WDR11: variants seen among roughly 807,000 people sequenced by gnomAD.
WDR11 encodes WD repeat-containing protein 11.
A neutral mutation model predicts 151.2 loss-of-function variants in WDR11; 83 were observed. The observed-to-expected ratio is 0.55, with a 90% confidence interval of 0.46 to 0.66. The LOEUF is 0.66. Ranked by LOEUF, WDR11 falls within the 30% of genes least tolerant of loss-of-function variation. The probability of loss-of-function intolerance (pLI) is 0.00; values close to 1 mark genes in which losing one functional copy is unlikely to be tolerated. For missense variants in WDR11, 1,301 were observed against 1,480.9 expected (o/e 0.88, Z 1.99); for synonymous variants, 484 against 533.1 (o/e 0.91, Z 1.27).
intron 9 of WDR11, 119 bp downstream of exon 9, chr10:120,867,288 A>G: frequency 2.6e-6 from 2 of 756,738 alleles, no homozygotes; most frequent in South Asian, 1.5e-5. Flanking sequence ...GAAAACTAGA[A>G]CATGGAATCA....
chr10:120,853,859 A>G (rs183271120), intron 2 of WDR11, among the ~76,000 whole-genome samples: 115 of 152,314 alleles, frequency 7.6e-4, no homozygotes, highest in Middle Eastern at 3.4e-3. Context: ...TAATTGAATG[A>G]CAGTGTTTCC....
At chr10:120,894,841 T>G (rs568178438) in intron 19 of WDR11, among the ~76,000 whole-genome samples, 1 of 152,316 alleles carries the variant, frequency 6.6e-6, no homozygotes, top group East Asian at 1.9e-4. Context: ...GCATGTGAGT[T>G]TCTCCAGATG....
At chr10:120,877,081 A>G (rs551094547) in intron 11 of WDR11, among the ~76,000 whole-genome samples, 1 of 152,338 alleles carries the variant, frequency 6.6e-6, no homozygotes, top group East Asian at 1.9e-4. Flanking sequence ...AAACACAGAA[A>G]GTTTTAATAG....
intron 18 of WDR11, among the ~76,000 whole-genome samples, chr10:120,890,494 G>C (rs937152064): frequency 6.6e-6 from 1 of 152,174 alleles, no homozygotes; most frequent in South Asian, 2.1e-4. Flanking sequence ...GATTATAGGC[G>C]TCAGCCACCG....
In WDR11 at chr10:120,865,647, G is replaced by T. The variant is rs1405107776; in HGVS notation, c.897G>T (p.Gln299His). The change falls in exon 7 of 29, where the codon CAG (glutamine) becomes CAT (histidine). Residue 299 changes from glutamine to histidine, a missense_variant. Physicochemically the swap from Gln to His is conservative, Grantham distance 24. Transcript: ENST00000263461. ...VPFLQVIPCF[Q>H]RDGLFCLHEN... ...ATTTAAAGGTAATACCCTGCTTTCAGCGTGATGGTTTATTTTGTCTACATG... is the reference window on the plus strand; with the variant it reads ...ATTTAAAGGTAATACCCTGCTTTCATCGTGATGGTTTATTTTGTCTACATG... 1.2e-6 allele frequency: 2 copies of T among 1,609,428 alleles called. No homozygotes were observed. Among genetic ancestry groups the T allele is most frequent in the East Asian group, 4.5e-5 (2 of 44,710 alleles).
intron 9 of WDR11, among the ~76,000 whole-genome samples, chr10:120,870,785 G>A (rs1846508856): frequency 6.6e-6 from 1 of 152,138 alleles, no homozygotes; most frequent in Non-Finnish European, 1.5e-5. Context: ...TCAAAAGGCA[G>A]TAAAATGAGA....
chr10:120,906,680 AG>A (rs1848063127), intron 27 of WDR11, 95 bp from the exon 28 acceptor site: 18 of 1,606,854 alleles, frequency 1.1e-5, no homozygotes, highest in African/African-American at 2.7e-5. Context: ...GCAGGTTTCC[AG>A]GGAAAATGTG....
At chr10:120,874,197 T>C (rs1322022068) in intron 11 of WDR11, among the ~76,000 whole-genome samples, 2 of 82,040 alleles carry the variant, frequency 2.4e-5, no homozygotes, top group Admixed American at 1.5e-4. Flanking sequence ...TTTTTTGTTG[T>C]TGTTGTTGTT....
Position 120,909,227 on chromosome 10 carries a change from C to T in WDR11, c.*514C>T, listed in dbSNP as rs958380317. The T allele has an allele frequency of 3.1e-5, 5 of 159,294 alleles. No individual in the cohort carries two copies. Among genetic ancestry groups the T allele is most frequent in the African/African-American group, 7.2e-5 (3 of 41,444 alleles). The allele number at this position is 159,294 out of a possible 1,614,324, so 9.9% of individuals were successfully genotyped here. ...ATTTTTTGTTTTCTTACCTTGAAAA[C>T]ACAGAACCGTTAATTCCTTGGTTTA... On this transcript the variant is annotated 3_prime_UTR_variant, in exon 29 of 29. Transcript: ENST00000263461.
intron 9 of WDR11, 116 bp downstream of exon 9, chr10:120,867,285 A>G (rs1414943359): frequency 1.0e-5 from 8 of 766,512 alleles, no homozygotes; most frequent in Non-Finnish European, 1.6e-5. Context: ...TGAGAAAACT[A>G]GAACATGGAA....
chr10:120,908,686 C>G lies in WDR11; in HGVS notation c.3648C>G (p.Ser1216=). 6.2e-7 allele frequency: 1 copy of G among 1,614,106 alleles called. No homozygotes were observed. The highest frequency in any genetic ancestry group is 1.3e-5 in the African/African-American group (1 of 75,004). Residue 1216 remains serine (S), a synonymous_variant, in exon 29 of 29, where the codon TCC becomes TCG. Coordinates refer to ENST00000263461, the MANE Select transcript of WDR11 (RefSeq NM_018117.12). The part of the protein sequence containing the change: ...AGKDLLNELE[S]PKEEPIEE ...AAGACTTATTGAATGAGCTTGAGTC[C>G]CCCAAGGAAGAACCCATTGAAGAGT...
At chr10:120,867,296 T>G in intron 9 of WDR11, 127 bp downstream of exon 9, 4 of 740,418 alleles carry the variant, frequency 5.4e-6, no homozygotes, top group Non-Finnish European at 7.0e-6. Flanking sequence ...GAACATGGAA[T>G]CATTCTTTCC....
intron 11 of WDR11, among the ~76,000 whole-genome samples, chr10:120,874,790 C>G (rs1213372348): frequency 2.0e-5 from 3 of 149,712 alleles, no homozygotes; most frequent in Non-Finnish European, 1.5e-5. Flanking sequence ...ACCACATTTC[C>G]TCTTTCTTTT....
In WDR11 at chr10:120,906,873, G is replaced by T. The variant is rs753936198; in HGVS notation, c.3517+18G>T. On this transcript the variant is annotated intron_variant, in intron 28 of 28. Coordinates refer to ENST00000263461, the MANE Select transcript of WDR11 (RefSeq NM_018117.12). ...GGACACAGATATCCTTTGCAAGGTTGTTTGTAGTGACGAGGAAGAAAGTGA... is the reference window on the plus strand; with the variant it reads ...GGACACAGATATCCTTTGCAAGGTTTTTTGTAGTGACGAGGAAGAAAGTGA... 72 of 1,614,014 alleles carry T rather than the reference G, an allele frequency of 4.5e-5. No individual in the cohort carries two copies. The highest frequency in any genetic ancestry group is 5.8e-5 in the Non-Finnish European group (69 of 1,180,006).
At chr10:120,852,287 A>C (rs981532799) in intron 1 of WDR11, 1 of 474,758 alleles carries the variant, frequency 2.1e-6, no homozygotes, top group Non-Finnish European at 3.8e-6. Flanking sequence ...TCGGGTCTCT[A>C]TTTTCATATC....
chr10:120,873,919 G>A lies in WDR11; in HGVS notation c.1552G>A (p.Val518Ile). The A allele has an allele frequency of 6.2e-7, 1 of 1,606,686 alleles. No homozygotes were observed. The highest frequency in any genetic ancestry group is 8.5e-7 in the Non-Finnish European group (1 of 1,173,522). Residue 518 changes from valine (V) to isoleucine (I), a missense_variant, in exon 11 of 29, where the codon GTC (valine) becomes ATC (isoleucine). Val to Ile is a conservative substitution (Grantham distance 29, BLOSUM62 3). Transcript: ENST00000263461. ...AGAGTTAAGCATCCACTCATGTGAAGTCAAGTAAGTATGTCATTGTGATGA... is the reference window on the plus strand; with the variant it reads ...AGAGTTAAGCATCCACTCATGTGAAATCAAGTAAGTATGTCATTGTGATGA... ...HKELSIHSCE[V>I]KGIEWTSLTS...
chr10:120,886,570 T>TA, intron 15 of WDR11, 119 bp from the exon 16 acceptor site: 2 of 1,312,676 alleles, frequency 1.5e-6, no homozygotes, highest in Admixed American at 4.7e-5. Context: ...TTCAGACTTT[T>TA]AAAAAAATAG....
At position 120,865,610 on chromosome 10, in the gene WDR11, A is replaced by T. The variant is rs1198868477; in HGVS notation, c.880-20A>T. On this transcript the variant is annotated intron_variant, in intron 6 of 28. Coordinates refer to ENST00000263461, the MANE Select transcript of WDR11 (RefSeq NM_018117.12). ...TTAATCTATTGTGTTTTAAAAAATA[A>T]ATATATCATCTATTTAAAGGTAATA... 6.7e-7 allele frequency: 1 copy of T among 1,487,834 alleles called. No individual in the cohort carries two copies. The allele number at this position is 1,487,834 out of a possible 1,614,324, so 92.2% of individuals were successfully genotyped here.
intron 7 of WDR11, among the ~76,000 whole-genome samples, chr10:120,866,110 G>T (rs926557467): frequency 2.0e-5 from 3 of 151,884 alleles, no homozygotes; most frequent in Admixed American, 2.0e-4. Context: ...TAAAGTGACA[G>T]AGGTTATTAA....
Sources: allele counts gnomAD v4.1 joint callset (sites outside exome capture counted in the v4.1 genomes callset), GRCh38; gene constraint gnomAD v4.1.1; transcripts MANE v1.5; gene names NCBI Gene and HGNC (gene_info 2026-07-23, HGNC 2026-07-21).